Variants in ABCG1 observed in about 807,000 individuals in gnomAD.
The protein encoded by ABCG1 is ATP binding cassette subfamily G member 1.
In ABCG1, 29 loss-of-function variants were observed where a neutral mutation model predicts 69.2. The observed-to-expected ratio is 0.42, with a 90% CI of 0.31 to 0.57. The LOEUF (loss-of-function observed/expected upper bound fraction) is 0.57. Among genes scored for constraint, ABCG1 ranks in the 20% least tolerant of loss-of-function variants. The pLI is 0.15. For missense variants in ABCG1, 718 were observed against 898.1 expected (o/e 0.80, Z 2.56); for synonymous variants, 370 against 374.8 (o/e 0.99, Z 0.15).
intron 2 of ABCG1, among the ~76,000 whole-genome samples, chr21:42,265,763 C>A (rs144145412): frequency 6.6e-6 from 1 of 152,226 alleles, no homozygotes; most frequent in Non-Finnish European, 1.5e-5. Flanking sequence ...CACCGGACTG[C>A]GAGCTGGCTC....
chr21:42,237,752 G>A (rs1038386785), intron 2 of ABCG1, among the ~76,000 whole-genome samples: 4 of 152,246 alleles, frequency 2.6e-5, no homozygotes, highest in African/African-American at 7.2e-5. Flanking sequence ...TTCCCTTGCT[G>A]TGTCAAACCC....
At chr21:42,210,996 G>C (rs1002936111) in intron 2 of ABCG1, among the ~76,000 whole-genome samples, 1 of 130,528 alleles carries the variant, frequency 7.7e-6, no homozygotes, top group Non-Finnish European at 1.6e-5. Context: ...GTCTCCCTCT[G>C]TTGCCCAGGC....
At chr21:42,254,610 CG>C (rs1244613894) in intron 2 of ABCG1, among the ~76,000 whole-genome samples, 1 of 152,232 alleles carries the variant, frequency 6.6e-6, no homozygotes, top group Non-Finnish European at 1.5e-5. Flanking sequence ...TTGATCAGCG[CG>C]TGGCTTTGCC....
chr21:42,201,854 G>A (rs571214584), intron 2 of ABCG1: 163 of 1,544,086 alleles, frequency 1.1e-4, no homozygotes, highest in African/African-American at 5.8e-4. Flanking sequence ...GAGCTCCTGC[G>A]GTGTAGTTTG....
In ABCG1 at chr21:42,294,494, C is replaced by T. The variant is rs954335690; in HGVS notation, c.1654-48C>T. 4 of 1,497,740 alleles carry T rather than the reference C, an allele frequency of 2.7e-6. No homozygotes were observed. The Admixed American group carries it at 6.7e-5, about 25-fold the overall frequency. The allele number at this position is 1,497,740 out of a possible 1,614,324, so 92.8% of individuals were successfully genotyped here. A position where few individuals can be genotyped will look rare whatever the true frequency, so the allele number is the denominator to read the frequency against. The stretch of plus-strand genomic sequence containing the variant: ...GTGGGCGAGCCTCCTCTGCAGGAGG[C>T]CAGGCTGCAGGTTCTGCTACATCTG... On this transcript the variant is annotated intron_variant, in intron 13 of 14. Transcript: ENST00000398449.
At chr21:42,249,972 T>C (rs2068193070) in intron 2 of ABCG1, among the ~76,000 whole-genome samples, 1 of 149,668 alleles carries the variant, frequency 6.7e-6, no homozygotes, top group Admixed American at 6.7e-5. Context: ...GCCACTGCAC[T>C]CCAGCCTGGG....
At chr21:42,240,933 G>A (rs991170798) in intron 2 of ABCG1, among the ~76,000 whole-genome samples, 1 of 152,264 alleles carries the variant, frequency 6.6e-6, no homozygotes, top group Non-Finnish European at 1.5e-5. Flanking sequence ...CCCACCAGAT[G>A]TGCGTTCCCG....
Position 42,287,779 on chromosome 21 carries a change from A to C in ABCG1, c.974-110A>C. ...CATGCCATTAGCACCGCCACGCAGC[A>C]TCTATGTAATCGCTTTAAAACATTC... On this transcript the variant is annotated intron_variant, in intron 8 of 14. Transcript: ENST00000398449. The surrounding 1 kb of genome is among the most constrained non-coding windows in gnomAD (Gnocchi z 6.2). 1 of 1,133,560 alleles carries C rather than the reference A, an allele frequency of 8.8e-7. No homozygotes were observed. 70.2% of individuals were successfully genotyped at this position (1,133,560 alleles called of 1,614,324 possible). A position where few individuals can be genotyped will look rare whatever the true frequency, so the allele number is the denominator to read the frequency against.
chr21:42,280,483 G>C (rs4148130), intron 5 of ABCG1, among the ~76,000 whole-genome samples: 4 of 152,166 alleles, frequency 2.6e-5, no homozygotes, highest in African/African-American at 7.2e-5. Context: ...GAAGCCCCAG[G>C]GGGGCTGGAG....
At chr21:42,265,038 C>T (rs187743394) in intron 2 of ABCG1, among the ~76,000 whole-genome samples, 17 of 152,298 alleles carry the variant, frequency 1.1e-4, no homozygotes, top group African/African-American at 3.6e-4. Flanking sequence ...TGTTGGTGCT[C>T]GCTTGTGCTG....
intron 5 of ABCG1, among the ~76,000 whole-genome samples, chr21:42,279,533 G>T (rs542167509): frequency 1.3e-5 from 2 of 152,348 alleles, no homozygotes; most frequent in South Asian, 2.1e-4. Context: ...GTAACGTGGG[G>T]ACAGGAAGCC....
intron 13 of ABCG1, among the ~76,000 whole-genome samples, chr21:42,293,407 G>C (rs1231733470): frequency 2.0e-5 from 1 of 48,922 alleles, no homozygotes; most frequent in Admixed American, 2.5e-4. Flanking sequence ...TACACACCAC[G>C]CACTACACAC....
At chr21:42,269,068 G>A (rs762333881) in intron 2 of ABCG1, among the ~76,000 whole-genome samples, 1 of 152,302 alleles carries the variant, frequency 6.6e-6, no homozygotes, top group Admixed American at 6.5e-5. Flanking sequence ...CAGGTGGGTC[G>A]TGGCCATAGT....
intron 4 of ABCG1, among the ~76,000 whole-genome samples, chr21:42,275,978 C>A (rs551443781): frequency 7.9e-5 from 12 of 152,286 alleles, no homozygotes; most frequent in South Asian, 2.1e-4. Context: ...GGGCCTGAGA[C>A]CTCTTTGCCC....
intron 2 of ABCG1, among the ~76,000 whole-genome samples, chr21:42,252,233 C>A (rs1161082419): frequency 6.6e-6 from 1 of 152,194 alleles, no homozygotes; most frequent in South Asian, 2.1e-4. Flanking sequence ...TGGTTGCCAG[C>A]CAACTCCTGC....
At chr21:42,243,817 T>A (rs980594639) in intron 2 of ABCG1, among the ~76,000 whole-genome samples, 4 of 135,768 alleles carry the variant, frequency 2.9e-5, no homozygotes, top group Non-Finnish European at 6.3e-5. Context: ...TCTTTGGCTT[T>A]TTTTTTTTTT....
chr21:42,280,446 C>G (rs1414641079), intron 5 of ABCG1, among the ~76,000 whole-genome samples: 2 of 152,194 alleles, frequency 1.3e-5, no homozygotes, highest in Admixed American at 6.5e-5. Flanking sequence ...CCTGGGCTGC[C>G]GAGATCCTCC....
At chr21:42,228,561 C>T (rs957959898) in intron 2 of ABCG1, among the ~76,000 whole-genome samples, 1 of 152,168 alleles carries the variant, frequency 6.6e-6, no homozygotes, top group Non-Finnish European at 1.5e-5. Context: ...AGGGACTTGC[C>T]CATGCTCCTG....
Position 42,288,272 on chromosome 21 carries a change from T to C in ABCG1, c.1184T>C (p.Ile395Thr). ...FSASCLTQFC[I>T]LFKRTFLSIM... ...GCCAGCTGCCTCACGCAGTTCTGCA[T>C]CCTCTTCAAGAGGACCTTCCTCAGC... is the stretch of plus-strand genomic sequence containing the variant. Residue 395 changes from isoleucine (I) to threonine (T), a missense_variant, in exon 10 of 15, where the codon ATC (isoleucine) becomes ACC (threonine). By Grantham distance (89) the Ile-to-Thr change is moderately conservative. Transcript: ENST00000398449. The surrounding 1 kb of genome is among the most constrained non-coding windows in gnomAD (Gnocchi z 4.8). 1 of 1,613,718 alleles carries C rather than the reference T, an allele frequency of 6.2e-7. No homozygotes were observed. The highest frequency in any genetic ancestry group is 8.5e-7 in the Non-Finnish European group (1 of 1,179,598).
Sources: gnomAD v4.1 joint callset for allele counts (sites outside exome capture counted in the v4.1 genomes callset) on GRCh38, gnomAD v4.1.1 for gene constraint, Gnocchi (gnomAD v3.1) non-coding constraint, MANE v1.5 for transcripts, NCBI Gene and HGNC (gene_info 2026-07-23, HGNC 2026-07-21) for gene names.